DPYSL5: variants seen among roughly 807,000 people sequenced by gnomAD.
DPYSL5 encodes the protein dihydropyrimidinase like 5.
In DPYSL5, 9 loss-of-function variants were observed where a neutral mutation model predicts 58.4. The ratio of observed to expected loss-of-function variants is 0.15; its 90% CI spans 0.09 to 0.27. DPYSL5 has a LOEUF of 0.27. Ranked by LOEUF, DPYSL5 falls within the 10% of genes least tolerant of loss-of-function variation. DPYSL5 has a pLI of 1.00. For missense variants in DPYSL5, 499 were observed against 770.6 expected (o/e 0.65, Z 4.17); for synonymous variants, 293 against 301.9 (o/e 0.97, Z 0.31).
At chr2:26,906,186 CTTT>C (rs35287552) in intron 2 of DPYSL5, among the ~76,000 whole-genome samples, 5 of 138,754 alleles carry the variant, frequency 3.6e-5, no homozygotes, top group Admixed American at 7.3e-5. Flanking sequence ...AAACCCATAT[CTTT>C]TTTTTTTTTT....
intron 2 of DPYSL5, among the ~76,000 whole-genome samples, chr2:26,913,884 A>G (rs1418818159): frequency 6.6e-6 from 1 of 151,982 alleles, no homozygotes; most frequent in East Asian, 1.9e-4. Context: ...GTGTCTCACC[A>G]TAAAAACCAT....
Position 26,948,456 on chromosome 2 carries a change from C to G in DPYSL5, c.*1461C>G, listed in dbSNP as rs1665546165. ...ACCTCCAGTGATCTGGGAAGTGACC[C>G]AGCCGCCTGCCCTTGTTAAGCCTGG... On this transcript the variant is annotated 3_prime_UTR_variant, in exon 13 of 13. Coordinates refer to ENST00000288699, the MANE Select transcript of DPYSL5 (RefSeq NM_020134.4). The G allele has an allele frequency of 6.6e-6, 1 of 152,378 alleles. No individual in the cohort carries two copies. Among genetic ancestry groups the G allele is most frequent in the South Asian group, 2.1e-4 (1 of 4,842 alleles). The allele number at this position is 152,378 out of a possible 1,614,324, so 9.4% of individuals were successfully genotyped here.
At position 26,942,314 on chromosome 2, in the gene DPYSL5, A is replaced by C. The variant is rs1665344040; in HGVS notation, c.1232+222A>C. ...CTCTTCTTATAAGGACACCGATAAG[A>C]CTGGATTAGGGCCCACCTATATGAC... On this transcript the variant is annotated intron_variant, in intron 10 of 12. Transcript: ENST00000288699. The surrounding 1 kb of genome is among the most constrained non-coding windows in gnomAD (Gnocchi z 5.9). Among the ~76,000 whole-genome samples the C allele has an allele frequency of 6.6e-6, 1 of 152,144 alleles. No individual in the cohort carries two copies.
intron 5 of DPYSL5, among the ~76,000 whole-genome samples, chr2:26,930,238 G>C (rs552782650): frequency 6.6e-6 from 1 of 152,256 alleles, no homozygotes; most frequent in East Asian, 1.9e-4. Flanking sequence ...AGAGCAAGGG[G>C]TGGACACACA....
intron 1 of DPYSL5, among the ~76,000 whole-genome samples, chr2:26,897,093 G>A (rs1664040485): frequency 1.3e-5 from 2 of 152,106 alleles, no homozygotes; most frequent in Non-Finnish European, 2.9e-5. Flanking sequence ...AATTTTTTAT[G>A]TAGATCATCA....
intron 1 of DPYSL5, among the ~76,000 whole-genome samples, chr2:26,884,222 C>T (rs1050409877): frequency 6.6e-6 from 1 of 152,174 alleles, no homozygotes; most frequent in African/African-American, 2.4e-5. Flanking sequence ...GCTTGTCCTT[C>T]CCCAGCTAAA....
At chr2:26,945,793 T>G (rs895982684) in intron 12 of DPYSL5, among the ~76,000 whole-genome samples, 4 of 152,146 alleles carry the variant, frequency 2.6e-5, no homozygotes, top group Admixed American at 1.3e-4. Flanking sequence ...AGCCTGGAGT[T>G]TACTGGGGGA....
intron 2 of DPYSL5, among the ~76,000 whole-genome samples, chr2:26,921,187 A>G (rs571302374): frequency 6.6e-5 from 10 of 152,222 alleles, no homozygotes; most frequent in Admixed American, 6.5e-4. Flanking sequence ...CAATTATTTC[A>G]TGTTGTCAGG....
chr2:26,929,741 G>A (rs148390775), intron 5 of DPYSL5, among the ~76,000 whole-genome samples: 1 of 152,184 alleles, frequency 6.6e-6, no homozygotes, highest in African/African-American at 2.4e-5. Flanking sequence ...TGCTGAGATG[G>A]TCATTCAAAG....
Position 26,929,825 on chromosome 2 carries a change from C to T in DPYSL5, c.669+1502C>T, listed in dbSNP as rs192532220. On this transcript the variant is annotated intron_variant, in intron 5 of 12. Transcript: ENST00000288699. The stretch of plus-strand genomic sequence containing the variant: ...GGCATTGACACAAATCCCCTACAGT[C>T]CCCCTGCTAAAGAATTCTGCTCTAG... Among the ~76,000 whole-genome samples, 97 of 152,372 alleles carry T rather than the reference C, an allele frequency of 6.4e-4. 2 individuals are homozygous for T. Among genetic ancestry groups the T allele is most frequent in the African/African-American group, 2.2e-3 (91 of 41,588 alleles).
chr2:26,860,057 G>A (rs1444391816), intron 1 of DPYSL5, among the ~76,000 whole-genome samples: 2 of 152,192 alleles, frequency 1.3e-5, no homozygotes, highest in Non-Finnish European at 2.9e-5. Flanking sequence ...ATCTCCTCAA[G>A]CCTCAGTTTC....
chr2:26,931,939 C>T (rs1303923309), intron 6 of DPYSL5, among the ~76,000 whole-genome samples: 6 of 135,454 alleles, frequency 4.4e-5, no homozygotes, highest in African/African-American at 1.4e-4. Context: ...ACCCAGGAGG[C>T]GGAGGTTGCA....
rs1056669973 is a variant in DPYSL5 at position 26,867,541 on chromosome 2, C to T, written c.-5+19287C>T. ...CGGGATCTCGGCTCACTGCAAGCTC[C>T]GCCTCCCGGGTTCACGCCATTCTCC... On this transcript the variant is annotated intron_variant, in intron 1 of 12. Transcript: ENST00000288699. 1.5e-3 allele frequency among the ~76,000 whole-genome samples: 226 copies of T among 150,272 alleles called. 1 individual carries two copies. Among genetic ancestry groups the T allele is most frequent in the African/African-American group, 5.3e-3 (215 of 40,840 alleles).
At chr2:26,940,707 A>T (rs72804863) in intron 9 of DPYSL5, among the ~76,000 whole-genome samples, 3,882 of 151,716 alleles carry the variant, frequency 0.026, 60 homozygotes, top group Non-Finnish European at 0.04. Flanking sequence ...TTCTTCATAT[A>T]ACACTATACC....
At chr2:26,884,415 C>G (rs923582435) in intron 1 of DPYSL5, among the ~76,000 whole-genome samples, 14 of 152,076 alleles carry the variant, frequency 9.2e-5, no homozygotes, top group African/African-American at 3.4e-4. Flanking sequence ...CCAACACTTA[C>G]AAGGAGCCAG....
rs889417235 is a variant in DPYSL5 at position 26,849,905 on chromosome 2, C to T, written c.-5+1651C>T. Among the ~76,000 whole-genome samples the T allele has an allele frequency of 1.6e-4, 25 of 152,224 alleles. No homozygotes were observed. Among genetic ancestry groups the T allele is most frequent in the Admixed American group, 1.5e-3 (23 of 15,298 alleles). Reference sequence around the variant, plus strand: ...CGGGTGCCTTCTGGTGCAGCGCCGCCGCCCGCCCCGCGCTGTCCACCCGCT... The same window carrying T: ...CGGGTGCCTTCTGGTGCAGCGCCGCTGCCCGCCCCGCGCTGTCCACCCGCT... On this transcript the variant is annotated intron_variant, in intron 1 of 12. Transcript: ENST00000288699. The surrounding 1 kb of genome is among the most constrained non-coding windows in gnomAD (Gnocchi z 6.2).
At chr2:26,931,264 C>T (rs1416095542) in intron 5 of DPYSL5, among the ~76,000 whole-genome samples, 6 of 135,304 alleles carry the variant, frequency 4.4e-5, no homozygotes, top group African/African-American at 1.4e-4. Flanking sequence ...TAGTACCATG[C>T]GCAGAAACCC....
rs1664267026 is a variant in DPYSL5 at position 26,905,563 on chromosome 2, C to T, written c.261+6803C>T. The stretch of plus-strand genomic sequence containing the variant: ...CTCACCTCCCAGCTCGTTTTCCATG[C>T]TCGTTCTTCCTGCTGCCCTACCACC... On this transcript the variant is annotated intron_variant, in intron 2 of 12. Coordinates refer to ENST00000288699, the MANE Select transcript of DPYSL5 (RefSeq NM_020134.4). This position sits in a 1 kb window ranked among gnomAD's most constrained non-coding sequence, Gnocchi z 4.0. Among the ~76,000 whole-genome samples the T allele has an allele frequency of 6.6e-6, 1 of 152,144 alleles. No individual in the cohort carries two copies. Among genetic ancestry groups the T allele is most frequent in the Non-Finnish European group, 1.5e-5 (1 of 68,028 alleles).
Position 26,934,131 on chromosome 2 carries a change from GC to G in DPYSL5, c.791-444del, listed in dbSNP as rs1459097929. ...CCACCTCCTGTCTCCCTGTCCTCCA[GC>G]CCTGCTACGGCCCTCCCTGTCCTAC... On this transcript the variant is annotated intron_variant, in intron 7 of 12. Coordinates refer to ENST00000288699, the MANE Select transcript of DPYSL5 (RefSeq NM_020134.4). This position sits in a 1 kb window ranked among gnomAD's most constrained non-coding sequence, Gnocchi z 4.3. Among the ~76,000 whole-genome samples the G allele has an allele frequency of 1.3e-5, 2 of 152,138 alleles. No homozygotes were observed. The highest frequency in any genetic ancestry group is 2.9e-5 in the Non-Finnish European group (2 of 68,030).
Sources: gnomAD v4.1 joint callset for allele counts (sites outside exome capture counted in the v4.1 genomes callset) on GRCh38, gnomAD v4.1.1 for gene constraint, Gnocchi (gnomAD v3.1) non-coding constraint, MANE v1.5 for transcripts, NCBI Gene and HGNC (gene_info 2026-07-23, HGNC 2026-07-21) for gene names.